The following SOX6 variants were observed in gnomAD, a reference collection of about 807,000 sequenced individuals.
SOX6 encodes the protein transcription factor SOX-6.
In SOX6, 11 loss-of-function variants were observed where a neutral mutation model predicts 97.8. The ratio of observed to expected loss-of-function variants is 0.11; its 90% CI spans 0.07 to 0.19. The LOEUF is 0.19. Ranked by LOEUF, SOX6 falls within the 10% of genes least tolerant of loss-of-function variation. SOX6 has a pLI of 1.00. For synonymous variants in SOX6, 360 were observed against 371.4 expected, an observed-to-expected ratio of 0.97 and a Z score of 0.35; for missense variants, 810 against 1,039.5, an observed-to-expected ratio of 0.78 and a Z score of 3.04.
chr11:16,376,267 T>C (rs1857640826), intron 1 of SOX6, among the ~76,000 whole-genome samples: 1 of 152,156 alleles, frequency 6.6e-6, no homozygotes, highest in South Asian at 2.1e-4. Flanking sequence ...TTCCTGGATT[T>C]ATACCTTCTA....
At chr11:16,192,077 A>G (rs963023069) in intron 4 of SOX6, among the ~76,000 whole-genome samples, 5 of 152,152 alleles carry the variant, frequency 3.3e-5, no homozygotes, top group Non-Finnish European at 7.4e-5. Context: ...CCCCATTCAC[A>G]GCAATTTACA....
At chr11:16,447,537 G>C (rs1859637341) in intron 1 of SOX6, among the ~76,000 whole-genome samples, 1 of 152,066 alleles carries the variant, frequency 6.6e-6, no homozygotes, top group South Asian at 2.1e-4. Flanking sequence ...GAAAGAGAGA[G>C]AGATAGACAG....
upstream of SOX6, among the ~76,000 whole-genome samples, chr11:16,356,999 A>C (rs1175857550): frequency 6.6e-6 from 1 of 152,168 alleles, no homozygotes; most frequent in Admixed American, 6.5e-5. Flanking sequence ...AACAATTGTT[A>C]ATTATAAAAG....
chr11:16,153,489 T>C (rs1318984093), intron 6 of SOX6, among the ~76,000 whole-genome samples: 2 of 152,152 alleles, frequency 1.3e-5, no homozygotes, highest in Admixed American at 6.6e-5. Flanking sequence ...CTGATAGGAC[T>C]GGTTAGACAA....
At chr11:16,661,004 A>G (rs1847762070) in intron 3 of SOX6, among the ~76,000 whole-genome samples, 1 of 152,202 alleles carries the variant, frequency 6.6e-6, no homozygotes, top group Non-Finnish European at 1.5e-5. Context: ...TACCCTTGCT[A>G]ATTTTCTAAC....
At chr11:16,707,898 T>A (rs1453957535) in intron 3 of SOX6, among the ~76,000 whole-genome samples, 1 of 152,100 alleles carries the variant, frequency 6.6e-6, no homozygotes, top group African/African-American at 2.4e-5. Context: ...GTTACTATAC[T>A]AGGAACTGAA....
At chr11:16,219,270 T>A (rs888676462) in intron 4 of SOX6, among the ~76,000 whole-genome samples, 7 of 152,056 alleles carry the variant, frequency 4.6e-5, no homozygotes. Context: ...TTGACTTCCA[T>A]AAGGAAGTTG....
intron 4 of SOX6, among the ~76,000 whole-genome samples, chr11:16,219,283 T>C (rs1372295685): frequency 6.6e-6 from 1 of 152,090 alleles, no homozygotes; most frequent in Non-Finnish European, 1.5e-5. Flanking sequence ...GGAAGTTGCC[T>C]TGCAATTGGC....
At chr11:16,475,524 G>A (rs1860226277) in intron 1 of SOX6, among the ~76,000 whole-genome samples, 1 of 152,160 alleles carries the variant, frequency 6.6e-6, no homozygotes, top group Admixed American at 6.6e-5. Flanking sequence ...TGGAAGAACA[G>A]CCAGTTGGTG....
At chr11:16,376,783 C>T (rs990681940) in intron 1 of SOX6, among the ~76,000 whole-genome samples, 1 of 151,970 alleles carries the variant, frequency 6.6e-6, no homozygotes, top group African/African-American at 2.4e-5. Flanking sequence ...ATGGGGAAAA[C>T]CTACTGCACT....
At chr11:16,484,931 A>C (rs752880680) in intron 4 of SOX6, among the ~76,000 whole-genome samples, 58 of 152,018 alleles carry the variant, frequency 3.8e-4, no homozygotes, top group Non-Finnish European at 7.8e-4. Flanking sequence ...CTAAACCAAA[A>C]TCTCCTTGAG....
chr11:16,154,491 C>T (rs560670654), intron 6 of SOX6, among the ~76,000 whole-genome samples: 1 of 152,124 alleles, frequency 6.6e-6, no homozygotes, highest in East Asian at 1.9e-4. Flanking sequence ...GCTATTGATG[C>T]TTCTTTCTGC....
intron 1 of SOX6, among the ~76,000 whole-genome samples, chr11:16,403,850 A>C (rs1858622137): frequency 1.3e-5 from 2 of 151,754 alleles, no homozygotes; most frequent in African/African-American, 4.8e-5. Flanking sequence ...GGTTAAAAAA[A>C]AAAGAATTAA....
intron 4 of SOX6, among the ~76,000 whole-genome samples, chr11:16,220,307 A>T (rs1490778507): frequency 6.6e-6 from 1 of 152,036 alleles, no homozygotes; most frequent in East Asian, 1.9e-4. Flanking sequence ...TAGGTAAAAT[A>T]ATTTGGCCTG....
At chr11:16,299,332 G>A (rs916046339) in intron 3 of SOX6, among the ~76,000 whole-genome samples, 2 of 152,026 alleles carry the variant, frequency 1.3e-5, no homozygotes, top group Admixed American at 6.6e-5. Context: ...TCACAGGCAC[G>A]ACCAAGCAAT....
chr11:16,193,042 C>A lies in SOX6; in HGVS notation c.536-6087G>T, dbSNP rs372513075. Among the ~76,000 whole-genome samples, 9 of 152,238 alleles carry A rather than the reference C, an allele frequency of 5.9e-5. No individual in the cohort carries two copies. The South Asian group carries it at 6.2e-4, about 11-fold the overall frequency. ...ACAGGTCATTCATTAAATAGATATT[C>A]TCTGAAAGGGAGTCACCACTATGTG... On this transcript the variant is annotated intron_variant, in intron 4 of 15. Transcript: ENST00000683767.
At chr11:16,303,881 T>C (rs1855339030) in intron 3 of SOX6, among the ~76,000 whole-genome samples, 1 of 152,070 alleles carries the variant, frequency 6.6e-6, no homozygotes, top group Non-Finnish European at 1.5e-5. Context: ...TTGGAGAAAA[T>C]GTAAATAGTT....
chr11:16,396,624 T>C (rs1858366033), intron 1 of SOX6, among the ~76,000 whole-genome samples: 1 of 151,638 alleles, frequency 6.6e-6, no homozygotes. Flanking sequence ...TTCTCCTAAG[T>C]ACAACAATAG....
intron 4 of SOX6, among the ~76,000 whole-genome samples, chr11:16,563,351 A>G (rs1022257649): frequency 6.6e-6 from 1 of 152,218 alleles, no homozygotes; most frequent in Non-Finnish European, 1.5e-5. Context: ...AGGCTGAGAC[A>G]GAAGGATAAC....
Sources: allele counts gnomAD v4.1 joint callset (sites outside exome capture counted in the v4.1 genomes callset), GRCh38; gene constraint gnomAD v4.1.1; transcripts MANE v1.5; gene names NCBI Gene and HGNC (gene_info 2026-07-23, HGNC 2026-07-21).